RGS6: variants seen among roughly 807,000 people sequenced by gnomAD.
The protein encoded by RGS6 is regulator of G protein signaling 6.
RGS6 carries 30 observed loss-of-function variants against 78.5 expected under a neutral mutation model. The ratio of observed to expected loss-of-function variants is 0.38; its 90% CI spans 0.29 to 0.52. RGS6 has a LOEUF of 0.52. RGS6 is among the 20% of genes least tolerant of loss of function. The pLI is 0.85. For missense variants in RGS6, 495 were observed against 609.7 expected (o/e 0.81, Z 1.98); for synonymous variants, 206 against 206.0 (o/e 1.00, Z 0.00).
intron 2 of RGS6, among the ~76,000 whole-genome samples, chr14:72,262,030 A>T (rs1053575522): frequency 6.6e-5 from 10 of 151,632 alleles, no homozygotes; most frequent in Admixed American, 4.6e-4. Flanking sequence ...AACCTACAAC[A>T]TCTTGGATTG....
chr14:72,274,084 T>C (rs1235270295), intron 2 of RGS6, among the ~76,000 whole-genome samples: 1 of 152,154 alleles, frequency 6.6e-6, no homozygotes, highest in Non-Finnish European at 1.5e-5. Flanking sequence ...CAGATCATTC[T>C]TGGAAATCTG....
At chr14:72,395,143 A>C (rs1418507781) in intron 3 of RGS6, among the ~76,000 whole-genome samples, 1 of 152,232 alleles carries the variant, frequency 6.6e-6, no homozygotes, top group Non-Finnish European at 1.5e-5. Flanking sequence ...AATTTAAAGA[A>C]AAATGGCAGT....
chr14:72,342,215 A>G (rs572442822), intron 2 of RGS6, among the ~76,000 whole-genome samples: 1 of 149,322 alleles, frequency 6.7e-6, no homozygotes, highest in South Asian at 2.1e-4. Context: ...GAAATAAAAA[A>G]GGATCTTTGT....
the RGS6 span, among the ~76,000 whole-genome samples, chr14:72,609,777 G>A: frequency 6.6e-6 from 1 of 152,156 alleles, no homozygotes; most frequent in African/African-American, 2.4e-5. Flanking sequence ...GCCAGGGTGG[G>A]CCAAATGGAG....
At chr14:71,984,528 G>A in intron 2 of RGS6, among the ~76,000 whole-genome samples, 1 of 147,354 alleles carries the variant, frequency 6.8e-6, no homozygotes. Flanking sequence ...TATTGAGGAA[G>A]AAGAAATTTG....
chr14:72,051,680 A>G (rs2093256332), intron 2 of RGS6, among the ~76,000 whole-genome samples: 1 of 152,164 alleles, frequency 6.6e-6, no homozygotes, highest in African/African-American at 2.4e-5. Context: ...GAAAAGTTTT[A>G]TTTCTGTGAC....
chr14:72,290,426 T>C (rs2063377461), intron 2 of RGS6, among the ~76,000 whole-genome samples: 2 of 152,226 alleles, frequency 1.3e-5, no homozygotes, highest in South Asian at 4.1e-4. Flanking sequence ...GTTTTTCTTC[T>C]GACCTTCTGC....
intron 2 of RGS6, among the ~76,000 whole-genome samples, chr14:72,213,883 A>G (rs1567488359): frequency 6.6e-6 from 1 of 151,864 alleles, no homozygotes; most frequent in Non-Finnish European, 1.5e-5. Context: ...ATTTGACACT[A>G]CTCTCTATAT....
intron 2 of RGS6, among the ~76,000 whole-genome samples, chr14:72,144,934 G>C (rs1598341510): frequency 2.0e-5 from 3 of 152,144 alleles, no homozygotes; most frequent in Admixed American, 2.0e-4. Context: ...AGGGATCAGA[G>C]TTTTTAAAGA....
chr14:71,898,395 A>G, the RGS6 span, among the ~76,000 whole-genome samples: 1 of 152,198 alleles, frequency 6.6e-6, no homozygotes, highest in Non-Finnish European at 1.5e-5. Context: ...TCTGGTAGAA[A>G]TATATACAGC....
chr14:72,436,174 A>C (rs2094905512), intron 3 of RGS6, among the ~76,000 whole-genome samples: 1 of 152,168 alleles, frequency 6.6e-6, no homozygotes, highest in East Asian at 1.9e-4. Flanking sequence ...GGTAGAAGAG[A>C]AACATTAAGA....
At chr14:72,170,335 A>G (rs778907333) in intron 2 of RGS6, among the ~76,000 whole-genome samples, 5 of 152,234 alleles carry the variant, frequency 3.3e-5, no homozygotes, top group Non-Finnish European at 7.3e-5. Context: ...CCAACATTAC[A>G]AAACGTTGAC....
intron 2 of RGS6, among the ~76,000 whole-genome samples, chr14:72,282,514 C>A (rs1002461495): frequency 1.3e-5 from 2 of 152,158 alleles, no homozygotes; most frequent in African/African-American, 4.8e-5. Context: ...AGTGGCAACC[C>A]GTCCACCCCT....
chr14:71,874,882 A>C, the RGS6 span, among the ~76,000 whole-genome samples: 11,251 of 152,064 alleles, frequency 0.074, 843 homozygotes, highest in East Asian at 0.21. Flanking sequence ...AAGGCCTTTT[A>C]CGCATCTATT....
At chr14:71,987,935 A>C (rs1402427908) in intron 2 of RGS6, among the ~76,000 whole-genome samples, 1 of 47,058 alleles carries the variant, frequency 2.1e-5, no homozygotes, top group African/African-American at 5.7e-5. Flanking sequence ...TCAAACAATG[A>C]GAGAAAGTGC....
At chr14:72,007,496 C>A (rs1300897602) in intron 2 of RGS6, among the ~76,000 whole-genome samples, 14 of 152,318 alleles carry the variant, frequency 9.2e-5, no homozygotes, top group Middle Eastern at 3.4e-3. Context: ...CTGCGTGCAA[C>A]CCAGGATGGC....
At chr14:72,384,004 A>G (rs980457193) in intron 3 of RGS6, among the ~76,000 whole-genome samples, 37 of 152,180 alleles carry the variant, frequency 2.4e-4, no homozygotes, top group African/African-American at 8.7e-4. Flanking sequence ...AAATCAGCAT[A>G]TTATATTCTA....
rs1245856663 is a variant in RGS6, at chr14:72,565,418, T to C, written c.*2951T>C. The C allele has an allele frequency of 6.6e-6, 1 of 152,266 alleles. No homozygotes were observed. Among genetic ancestry groups the C allele is most frequent in the African/African-American group, 2.4e-5 (1 of 41,468 alleles). The allele number at this position is 152,266 out of a possible 1,614,324, so 9.4% of individuals were successfully genotyped here. ...AACGTCCAGCCGCAGCCAGATGGCCTGAACTAAGCAGCAGGAACTCTCTGG... is the reference window on the plus strand; with the variant it reads ...AACGTCCAGCCGCAGCCAGATGGCCCGAACTAAGCAGCAGGAACTCTCTGG... On this transcript the variant is annotated 3_prime_UTR_variant, in exon 18 of 18. Coordinates refer to ENST00000553525, the MANE Select transcript of RGS6 (RefSeq NM_001204424.2).
chr14:72,409,017 C>G (rs1250360117), intron 3 of RGS6, among the ~76,000 whole-genome samples: 1 of 152,068 alleles, frequency 6.6e-6, no homozygotes, highest in Non-Finnish European at 1.5e-5. Flanking sequence ...GTTTTTAAGC[C>G]ATATATGTCG....
Sources: gnomAD v4.1 joint callset for allele counts (sites outside exome capture counted in the v4.1 genomes callset) on GRCh38, gnomAD v4.1.1 for gene constraint, MANE v1.5 for transcripts, NCBI Gene and HGNC (gene_info 2026-07-23, HGNC 2026-07-21) for gene names.